Variants in ZFYVE28 observed in about 807,000 individuals in gnomAD.
ZFYVE28 encodes lateral signaling target protein 2 homolog.
ZFYVE28 carries 40 observed loss-of-function variants against 82.1 expected under a neutral mutation model. That is an observed-to-expected ratio of 0.49 (90% CI 0.38 to 0.63). The LOEUF (loss-of-function observed/expected upper bound fraction) is 0.63. Among genes scored for constraint, ZFYVE28 ranks in the 30% least tolerant of loss-of-function variants. The pLI, the probability that ZFYVE28 is intolerant of heterozygous loss-of-function variation, is 0.00. For missense variants in ZFYVE28, 1,321 were observed against 1,242.1 expected (o/e 1.06, Z -0.96); for synonymous variants, 612 against 546.1 (o/e 1.12, Z -1.68).
chr4:2,391,738 C>CTTTT (rs374413016), intron 1 of ZFYVE28, among the ~76,000 whole-genome samples: 9 of 139,822 alleles, frequency 6.4e-5, no homozygotes, highest in South Asian at 4.5e-4. Context: ...AATTCTCTCT[C>CTTTT]TCTTTTTTTT....
In ZFYVE28 at chr4:2,320,299, G is replaced by A. The variant is rs111571019; in HGVS notation, c.702-28C>T. 2.7e-3 allele frequency: 4,284 copies of A among 1,601,218 alleles called. 100 individuals carry two copies. The African/African-American group carries it at 0.052, about 19-fold the overall frequency. ...GCATTTGAGACACAAAAGCCAGGAT[G>A]TCAGGCCCTGTGGCCCCCTGGGTGC... On this transcript the variant is annotated intron_variant, in intron 6 of 12. Coordinates refer to ENST00000290974, the MANE Select transcript of ZFYVE28 (RefSeq NM_020972.3). The surrounding 1 kb of genome is among the most constrained non-coding windows in gnomAD (Gnocchi z 5.1).
chr4:2,388,738 C>G (rs1293490836), intron 1 of ZFYVE28, among the ~76,000 whole-genome samples: 3 of 152,136 alleles, frequency 2.0e-5, no homozygotes, highest in Non-Finnish European at 4.4e-5. Context: ...CTGGGTCTAA[C>G]AGGATCCCTC....
In ZFYVE28 at chr4:2,273,294, G is replaced by C. The variant is rs1475094311; in HGVS notation, c.2207-5C>G. 6.2e-7 allele frequency: 1 copy of C among 1,609,494 alleles called. No individual in the cohort carries two copies. Among genetic ancestry groups the C allele is most frequent in the Admixed American group, 1.7e-5 (1 of 59,864 alleles). ...TCTGCAGCTGGTCAGCCACACCTGA[G>C]GAAGGAAGGCCACAGTAACCACGAC... On this transcript the variant is annotated splice_polypyrimidine_tract_variant and splice_region_variant and intron_variant, in intron 9 of 12. Coordinates refer to ENST00000290974, the MANE Select transcript of ZFYVE28 (RefSeq NM_020972.3).
In ZFYVE28 at chr4:2,335,674, T is replaced by C; in HGVS notation, c.701+31A>G. On this transcript the variant is annotated intron_variant, in intron 6 of 12. Coordinates refer to ENST00000290974, the MANE Select transcript of ZFYVE28 (RefSeq NM_020972.3). The surrounding 1 kb of genome is among the most constrained non-coding windows in gnomAD (Gnocchi z 5.8). ...CAGCCCTGCCCGTCCCGCAGGTTTC[T>C]GCAGAGGTCCTGGGCACAGGAGGCA... 6.4e-7 allele frequency: 1 copy of C among 1,554,866 alleles called. No individual in the cohort carries two copies. The highest frequency in any genetic ancestry group is 8.7e-7 in the Non-Finnish European group (1 of 1,148,208).
rs541998602 is a variant in ZFYVE28 at position 2,396,101 on chromosome 4, A to G, written c.39+22184T>C. ...CGGGGGTGTCTGAGCTGATGGGACC[A>G]GCCATCCTGCAGAGGGGCCACAAGG... is the stretch of plus-strand genomic sequence containing the variant. On this transcript the variant is annotated intron_variant, in intron 1 of 12. Transcript: ENST00000290974. Among the ~76,000 whole-genome samples the G allele has an allele frequency of 2.4e-3, 329 of 137,466 alleles. 1 individual carries two copies. The highest frequency in any genetic ancestry group is 8.3e-3 in the African/African-American group (289 of 34,628). The allele number at this position is 137,466 out of a possible 152,430, so 90.2% of individuals were successfully genotyped here.
intron 8 of ZFYVE28, among the ~76,000 whole-genome samples, chr4:2,274,937 C>A (rs1456880857): frequency 7.3e-6 from 1 of 136,948 alleles, no homozygotes; most frequent in African/African-American, 3.6e-5. Flanking sequence ...GTTTGCACTT[C>A]GGGCCTCCGA....
At chr4:2,364,934 AG>A in intron 1 of ZFYVE28, 1 of 981,914 alleles carries the variant, frequency 1.0e-6, no homozygotes, top group Non-Finnish European at 1.2e-6. Context: ...GGCGGGGCCC[AG>A]CAGGGGCGGC....
chr4:2,353,877 G>A, intron 2 of ZFYVE28, 56 bp downstream of exon 2: 2 of 1,393,498 alleles, frequency 1.4e-6, no homozygotes, highest in Non-Finnish European at 1.9e-6. Context: ...CTGAGGACAG[G>A]CCACTCTGTC....
chr4:2,309,902 G>C (rs1259412886), intron 7 of ZFYVE28, among the ~76,000 whole-genome samples: 2 of 151,976 alleles, frequency 1.3e-5, no homozygotes, highest in African/African-American at 4.8e-5. Flanking sequence ...CCATAAAATT[G>C]GTGTGAAATT....
chr4:2,367,889 G>A (rs1317543919), intron 1 of ZFYVE28, among the ~76,000 whole-genome samples: 6 of 152,086 alleles, frequency 3.9e-5, no homozygotes, highest in Non-Finnish European at 7.4e-5. Context: ...CTCTAATCAC[G>A]GAGCCCCTGA....
rs1213787721 is a variant in ZFYVE28, at chr4:2,335,503, A to C, written c.701+202T>G. Among the ~76,000 whole-genome samples the C allele has an allele frequency of 6.6e-6, 1 of 152,102 alleles. No individual in the cohort carries two copies. On this transcript the variant is annotated intron_variant, in intron 6 of 12. Transcript: ENST00000290974. The surrounding 1 kb of genome is among the most constrained non-coding windows in gnomAD (Gnocchi z 5.8). Reference sequence around the variant, plus strand: ...GGTGACAGAGCCTCCCTCACCAGCAAGGTGAACAGGGGGCACTCAGGACAC... The same window carrying C: ...GGTGACAGAGCCTCCCTCACCAGCACGGTGAACAGGGGGCACTCAGGACAC...
chr4:2,301,138 A>AC (rs58937036), intron 8 of ZFYVE28, among the ~76,000 whole-genome samples: 32,087 of 151,496 alleles, frequency 0.21, 4,023 homozygotes, highest in African/African-American at 0.34. Flanking sequence ...CTGCGCTATC[A>AC]CCCCCGTATT....
rs995559252 is a variant in ZFYVE28 at position 2,332,963 on chromosome 4, C to G, written c.701+2742G>C. 6.6e-6 allele frequency among the ~76,000 whole-genome samples: 1 copy of G among 152,082 alleles called. No homozygotes were observed. The highest frequency in any genetic ancestry group is 2.4e-5 in the African/African-American group (1 of 41,416). On this transcript the variant is annotated intron_variant, in intron 6 of 12. Transcript: ENST00000290974. This position sits in a 1 kb window ranked among gnomAD's most constrained non-coding sequence, Gnocchi z 4.7. ...CCACCCCCCTGGACAGGCCTGCTCCCTGGACTCTGGCTTTGGGCTCTTATG... is the reference window on the plus strand; with the variant it reads ...CCACCCCCCTGGACAGGCCTGCTCCGTGGACTCTGGCTTTGGGCTCTTATG...
chr4:2,312,069 C>T (rs1717540388), intron 7 of ZFYVE28, among the ~76,000 whole-genome samples: 1 of 152,178 alleles, frequency 6.6e-6, no homozygotes, highest in South Asian at 2.1e-4. Flanking sequence ...GTGGCTCACA[C>T]CTGTAGTCCT....
At chr4:2,334,173 G>A (rs568750078) in intron 6 of ZFYVE28, among the ~76,000 whole-genome samples, 3 of 152,168 alleles carry the variant, frequency 2.0e-5, no homozygotes, top group Non-Finnish European at 2.9e-5. Flanking sequence ...GCGAGGACAC[G>A]GGAAGGACGG....
At chr4:2,366,738 C>A (rs1213868661) in intron 1 of ZFYVE28, among the ~76,000 whole-genome samples, 3 of 152,208 alleles carry the variant, frequency 2.0e-5, no homozygotes, top group Non-Finnish European at 4.4e-5. Context: ...CCCCCTCCCA[C>A]CCACAGAAGG....
chr4:2,357,433 G>A (rs991860973), intron 1 of ZFYVE28, among the ~76,000 whole-genome samples: 1 of 152,204 alleles, frequency 6.6e-6, no homozygotes, highest in South Asian at 2.1e-4. Flanking sequence ...CCTTTTCGGG[G>A]TGGGGCTGAG....
chr4:2,304,778 G>A lies in ZFYVE28; in HGVS notation c.1562C>T (p.Pro521Leu). ...MKLSATVIFN[P>L]KSPTSLDSAV... ...AGAGTCCAGGGAAGTGGGCGATTTG[G>A]GGTTGAAGATGACCGTGGCTGAGAG... Residue 521 changes from proline (P) to leucine (L), a missense_variant, in exon 8 of 13, where the codon CCC becomes CTC. Physicochemically the swap from Pro to Leu is moderately conservative, Grantham distance 98 (BLOSUM62 -3). This residue lies in a region of ZFYVE28 where 978 missense variants were observed against 833.7 expected (regional missense o/e 1.17). Transcript: ENST00000290974. 3 of 1,612,694 alleles carry A rather than the reference G, an allele frequency of 1.9e-6. No individual in the cohort carries two copies. The highest frequency in any genetic ancestry group is 2.5e-6 in the Non-Finnish European group (3 of 1,179,958).
chr4:2,274,009 C>A (rs1424029446), intron 9 of ZFYVE28, 53 bp downstream of exon 9: 5 of 1,594,118 alleles, frequency 3.1e-6, no homozygotes, highest in Non-Finnish European at 4.3e-6. Context: ...TCCCCTAAAG[C>A]GCAGCCCGTG....
Sources: allele counts gnomAD v4.1 joint callset (sites outside exome capture counted in the v4.1 genomes callset), GRCh38; gene constraint gnomAD v4.1.1; regional missense constraint gnomAD v4.1.1; non-coding constraint Gnocchi (gnomAD v3.1); transcripts MANE v1.5; gene names NCBI Gene and HGNC (gene_info 2026-07-23, HGNC 2026-07-21).